CLCN1: variants seen among roughly 807,000 people sequenced by gnomAD.
CLCN1 encodes the protein chloride channel protein 1.
A neutral mutation model predicts 114.5 loss-of-function variants in CLCN1; 100 were observed. That is an observed-to-expected ratio of 0.87 (90% confidence interval 0.74 to 1.03). The LOEUF (loss-of-function observed/expected upper bound fraction) is 1.03, where lower values mean the gene tolerates loss of function less well. Among genes scored for constraint, CLCN1 ranks in the 50% least tolerant of loss-of-function variants. CLCN1 has a pLI of 0.00. For missense variants in CLCN1, 1,188 were observed against 1,250.0 expected (o/e 0.95, Z 0.75); for synonymous variants, 485 against 487.1 (o/e 1.00, Z 0.06).
intron 2 of CLCN1, among the ~76,000 whole-genome samples, chr7:143,320,256 T>TGGCCACCATGCTAG: frequency 6.6e-6 from 1 of 152,208 alleles, no homozygotes; most frequent in Non-Finnish European, 1.5e-5. Flanking sequence ...ATTAGAGGCG[T>TGGCCACCATGCTAG]GAGCCACCAT....
At chr7:143,334,222 A>T (rs891410909) in intron 12 of CLCN1, among the ~76,000 whole-genome samples, 4 of 151,924 alleles carry the variant, frequency 2.6e-5, no homozygotes, top group Non-Finnish European at 5.9e-5. Context: ...AGAAAAAAAA[A>T]AAAATTATTG....
Position 143,331,278 on chromosome 7 carries a change from C to G in CLCN1, c.1026C>G (p.Pro342=). 6.2e-7 allele frequency: 1 copy of G among 1,613,810 alleles called. No individual in the cohort carries two copies. Among genetic ancestry groups the G allele is most frequent in the Non-Finnish European group, 8.5e-7 (1 of 1,179,666 alleles). Residue 342 remains proline, a synonymous_variant, in exon 9 of 23, where the codon CCC becomes CCG. Transcript: ENST00000343257. ...LFRTNFRMDF[P]FDLKELPAFA... ...GAACCAATTTCCGAATGGATTTCCC[C>G]TTTGACCTGAAGGAACTACCAGCTT...
chr7:143,333,512 G>C (rs370422396), intron 12 of CLCN1, among the ~76,000 whole-genome samples: 3 of 152,082 alleles, frequency 2.0e-5, no homozygotes, highest in African/African-American at 7.2e-5. Flanking sequence ...TAAAAGCCTT[G>C]GATTAATTAA....
intron 14 of CLCN1, among the ~76,000 whole-genome samples, chr7:143,340,086 CT>C (rs1447208221): frequency 6.6e-6 from 1 of 152,214 alleles, no homozygotes; most frequent in South Asian, 2.1e-4. Context: ...AAGATAGCTG[CT>C]TCTGAGCCCT....
In CLCN1 at chr7:143,316,146, G is replaced by A; in HGVS notation, c.-67G>A. 1.5e-6 allele frequency: 2 copies of A among 1,312,324 alleles called. No homozygotes were observed. Among genetic ancestry groups the A allele is most frequent in the African/African-American group, 1.4e-5 (1 of 69,598 alleles). The allele number at this position is 1,312,324 out of a possible 1,614,324, so 81.3% of individuals were successfully genotyped here. ...GGGACAGCAAGAGCAGAGGCTTAAG[G>A]AGCTACACTGGGGGAAGGACAGGGG... On this transcript the variant is annotated 5_prime_UTR_variant, in exon 1 of 23. Coordinates refer to ENST00000343257, the MANE Select transcript of CLCN1 (RefSeq NM_000083.3).
intron 16 of CLCN1, 34 bp from the exon 17 acceptor site, chr7:143,345,486 AG>A (rs1803205701): frequency 6.6e-7 from 1 of 1,506,680 alleles, no homozygotes; most frequent in Non-Finnish European, 8.9e-7. Context: ...GAGGGCTTGG[AG>A]GGGGCGCTCA....
At chr7:143,329,245 C>T (rs1009230070) in intron 7 of CLCN1, among the ~76,000 whole-genome samples, 7 of 152,178 alleles carry the variant, frequency 4.6e-5, no homozygotes, top group Non-Finnish European at 8.8e-5. Context: ...GGATTACAAG[C>T]GTGAGCCACC....
chr7:143,347,930 C>G (rs945895818), intron 20 of CLCN1, among the ~76,000 whole-genome samples: 2 of 152,020 alleles, frequency 1.3e-5, no homozygotes, highest in Non-Finnish European at 2.9e-5. Context: ...CAGAACATAC[C>G]GAGGGGTTGT....
intron 12 of CLCN1, among the ~76,000 whole-genome samples, chr7:143,333,550 A>T (rs988932699): frequency 2.6e-5 from 4 of 152,200 alleles, no homozygotes; most frequent in African/African-American, 9.6e-5. Flanking sequence ...GTAGATAATT[A>T]AGTATTTCAT....
In CLCN1 at chr7:143,316,361, C is replaced by G. The variant is rs763907395; in HGVS notation, c.149C>G (p.Ala50Gly). Residue 50 changes from alanine to glycine, a missense_variant, in exon 1 of 23, where the codon GCA becomes GGA. Ala to Gly is a moderately conservative substitution (Grantham distance 60). Transcript: ENST00000343257. ...GGLQHRLRKD[A>G]GPRHNVHPTQ... Reference sequence around the variant, plus strand: ...CTCCAGCACAGGCTCCGGAAGGATGCAGGCCCCCGCCACAACGTCCACCCC... The same window carrying G: ...CTCCAGCACAGGCTCCGGAAGGATGGAGGCCCCCGCCACAACGTCCACCCC... 7 of 1,582,016 alleles carry G rather than the reference C, an allele frequency of 4.4e-6. No homozygotes were observed. In the East Asian group the frequency reaches 1.6e-4, roughly 35 times the overall value.
In CLCN1 at chr7:143,345,684, C is replaced by G. The variant is rs758874120; in HGVS notation, c.2094C>G (p.Pro698=). The G allele has an allele frequency of 1.9e-6, 3 of 1,556,588 alleles. No homozygotes were observed. The Admixed American group carries it at 5.9e-5, about 30-fold the overall frequency. The change falls in exon 17 of 23, where the codon CCC becomes CCG. Residue 698 remains proline, a synonymous_variant. Transcript: ENST00000343257. ...CGCGGCTGGCTGGGGAGGGGCTCCC[C>G]GGCGCGCCTCCAGGCCGGCCCGAGT... ...GKARLAGEGL[P]GAPPGRPESF...
At chr7:143,335,656 G>GTTTTTTTTTTTTT (rs199928109) in intron 12 of CLCN1, among the ~76,000 whole-genome samples, 2 of 107,236 alleles carry the variant, frequency 1.9e-5, no homozygotes, top group Admixed American at 1.1e-4. Context: ...CAATTCAGCT[G>GTTTTTTTTTTTTT]TTTTGTTTTT....
chr7:143,346,859 C>A, intron 19 of CLCN1, 52 bp from the exon 20 acceptor site: 1 of 1,560,676 alleles, frequency 6.4e-7, no homozygotes, highest in Non-Finnish European at 8.8e-7. Flanking sequence ...GGAGCCATAG[C>A]TACCATGGGA....
intron 12 of CLCN1, among the ~76,000 whole-genome samples, chr7:143,334,721 T>G (rs760637686): frequency 1.4e-4 from 21 of 152,248 alleles, no homozygotes; most frequent in Non-Finnish European, 2.1e-4. Context: ...AAACTGTATT[T>G]GCAAATGATC....
At chr7:143,332,396 G>T (rs374612039) in intron 10 of CLCN1, 23 bp from the exon 11 acceptor site, 1 of 1,593,208 alleles carries the variant, frequency 6.3e-7, no homozygotes, top group Non-Finnish European at 8.6e-7. Flanking sequence ...GAATTGTGGC[G>T]GTTAACTCTG....
chr7:143,330,750 C>G, intron 7 of CLCN1, 22 bp from the exon 8 acceptor site: 1 of 1,613,864 alleles, frequency 6.2e-7, no homozygotes, highest in Non-Finnish European at 8.5e-7. Context: ...CTGCCCCCAA[C>G]CACACTTCTG....
intron 11 of CLCN1, 60 bp from the exon 12 acceptor site, chr7:143,332,663 TA>T (rs1802758703): frequency 6.2e-7 from 1 of 1,602,466 alleles, no homozygotes; most frequent in Non-Finnish European, 8.5e-7. Flanking sequence ...ATAAGTTCTC[TA>T]AAAAAGGAAG....
At chr7:143,329,665 C>T (rs1414299960) in intron 7 of CLCN1, among the ~76,000 whole-genome samples, 1 of 152,162 alleles carries the variant, frequency 6.6e-6, no homozygotes, top group Non-Finnish European at 1.5e-5. Context: ...TCACCCTGTT[C>T]ACATGGAGAG....
chr7:143,316,635 CAT>C (rs913996590), intron 1 of CLCN1, among the ~76,000 whole-genome samples: 2 of 152,176 alleles, frequency 1.3e-5, no homozygotes, highest in African/African-American at 4.8e-5. Context: ...GTACCCAAAT[CAT>C]ATGGGGAAAC....
Sources: gnomAD v4.1 joint callset for allele counts (sites outside exome capture counted in the v4.1 genomes callset) on GRCh38, gnomAD v4.1.1 for gene constraint, MANE v1.5 for transcripts, NCBI Gene and HGNC (gene_info 2026-07-23, HGNC 2026-07-21) for gene names.